KCNN1: variants seen among roughly 807,000 people sequenced by gnomAD.
The protein encoded by KCNN1 is small conductance calcium-activated potassium channel protein 1.
A neutral mutation model predicts 44.7 loss-of-function variants in KCNN1; 20 were observed. The observed-to-expected ratio is 0.45, with a 90% CI of 0.32 to 0.65. The LOEUF is 0.65. Ranked by LOEUF, KCNN1 falls within the 30% of genes least tolerant of loss-of-function variation. The pLI is 0.05. For missense variants in KCNN1, 632 were observed against 785.3 expected, an observed-to-expected ratio of 0.80 and a Z score of 2.33; for synonymous variants, 324 against 341.7, an observed-to-expected ratio of 0.95 and a Z score of 0.57.
At chr19:17,967,406 G>A in intron 1 of KCNN1, 89 bp downstream of exon 1, 1 of 706,964 alleles carries the variant, frequency 1.4e-6, no homozygotes, top group Non-Finnish European at 1.7e-6. Context: ...GGAGGGGGAC[G>A]CGGTTTGGGG....
chr19:17,958,864 A>AT (rs35084044), intron 2 of KCNN1, among the ~76,000 whole-genome samples: 12 of 146,566 alleles, frequency 8.2e-5, no homozygotes, highest in African/African-American at 1.3e-4. Context: ...CGCCTGGCTA[A>AT]TTTTTTTTTG....
chr19:17,968,067 G>C (rs1171247075), intron 1 of KCNN1, among the ~76,000 whole-genome samples: 1 of 148,400 alleles, frequency 6.7e-6, no homozygotes, highest in Non-Finnish European at 1.5e-5. Context: ...GTGATTATTG[G>C]GGGAGGGGAG....
At chr19:17,989,315 G>A (rs1030142681) in intron 6 of KCNN1, among the ~76,000 whole-genome samples, 4 of 152,098 alleles carry the variant, frequency 2.6e-5, no homozygotes, top group Admixed American at 2.6e-4. Flanking sequence ...AAAATTAGCT[G>A]AGCGTGATCG....
At chr19:17,978,871 G>A (rs2032299519) in intron 3 of KCNN1, among the ~76,000 whole-genome samples, 1 of 148,006 alleles carries the variant, frequency 6.8e-6, no homozygotes, top group East Asian at 2.1e-4. Context: ...CCTGGGCAAC[G>A]TGGCGAAACA....
chr19:17,990,473 C>A lies in KCNN1; in HGVS notation c.1298+630C>A, dbSNP rs1001262963. Among the ~76,000 whole-genome samples the A allele has an allele frequency of 4.1e-5, 6 of 146,946 alleles. 1 individual carries two copies. In the East Asian group the frequency reaches 5.9e-4, roughly 15 times the overall value. On this transcript the variant is annotated intron_variant, in intron 7 of 9. Coordinates refer to ENST00000684775, the MANE Select transcript of KCNN1 (RefSeq NM_001386974.1). ...CACTCAGCTGGGTTACAAAGTGAGA[C>A]CTTGTCTCAAAAAAAAAAAAAGAAA...
chr19:17,961,730 G>A (rs971948115), intron 2 of KCNN1, among the ~76,000 whole-genome samples: 2 of 151,904 alleles, frequency 1.3e-5, no homozygotes, highest in Non-Finnish European at 2.9e-5. Context: ...TTACAGGCGC[G>A]TGCTACCATG....
At position 18,000,005 on chromosome 19, in the gene KCNN1, T is replaced by C; in HGVS notation, c.*1599T>C. On this transcript the variant is annotated 3_prime_UTR_variant, in exon 10 of 10. Transcript: ENST00000684775. ...CTGTAAAATGGGGTGACAGTCTATT[T>C]AACCAGAACTCCCTAAAAAGGGCCA... 2.2e-6 allele frequency: 1 copy of C among 455,992 alleles called. No homozygotes were observed. Among genetic ancestry groups the C allele is most frequent in the South Asian group, 1.5e-5 (1 of 64,562 alleles). 28.2% of individuals were successfully genotyped at this position (455,992 alleles called of 1,614,324 possible).
rs748506852 is a variant in KCNN1, at chr19:17,988,457, A to AAGCTGGAGCTCACCAAGGCTG, written c.1105_1125dup (p.Leu369_Glu375dup). On this transcript the variant is annotated inframe_insertion, in exon 6 of 10. Coordinates refer to ENST00000684775, the MANE Select transcript of KCNN1 (RefSeq NM_001386974.1). Reference sequence around the variant, plus strand: ...GCTCGTGGTGGCTGTGGTGGCTCGGAAGCTGGAGCTCACCAAGGCTGAGAA... The same window carrying AAGCTGGAGCTCACCAAGGCTG: ...GCTCGTGGTGGCTGTGGTGGCTCGGAAGCTGGAGCTCACCAAGGCTGAGCTGGAGCTCACCAAGGCTGAGAA... 1 of 1,613,400 alleles carries AAGCTGGAGCTCACCAAGGCTG rather than the reference A, an allele frequency of 6.2e-7. No individual in the cohort carries two copies. Among genetic ancestry groups the AAGCTGGAGCTCACCAAGGCTG allele is most frequent in the Non-Finnish European group, 8.5e-7 (1 of 1,179,890 alleles).
chr19:17,988,683 G>C (rs957556974), intron 6 of KCNN1, among the ~76,000 whole-genome samples, 158 bp downstream of exon 6: 31 of 152,188 alleles, frequency 2.0e-4, no homozygotes, highest in African/African-American at 7.2e-4. Context: ...GGCCAAGGCA[G>C]GTGGATCACC....
chr19:17,962,843 A>G (rs2145906660), upstream of KCNN1, among the ~76,000 whole-genome samples: 1 of 149,012 alleles, frequency 6.7e-6, no homozygotes, highest in Middle Eastern at 3.6e-3. Flanking sequence ...AGTAGGTGGG[A>G]TTACAGCGCC....
rs572111638 is a variant in KCNN1 at position 17,983,609 on chromosome 19, G to A, written c.917+1482G>A. On this transcript the variant is annotated intron_variant, in intron 4 of 9. Transcript: ENST00000684775. This position sits in a 1 kb window ranked among gnomAD's most constrained non-coding sequence, Gnocchi z 4.5. Reference sequence around the variant, plus strand: ...AGGGCTCTGGGGGGGTGGGGCACGGGGCAGGGCCGGCAGGCAGCCAATCCT... The same window carrying A: ...AGGGCTCTGGGGGGGTGGGGCACGGAGCAGGGCCGGCAGGCAGCCAATCCT... Among the ~76,000 whole-genome samples, 27 of 152,218 alleles carry A rather than the reference G, an allele frequency of 1.8e-4. No homozygotes were observed. Among genetic ancestry groups the A allele is most frequent in the African/African-American group, 6.0e-4 (25 of 41,538 alleles).
intron 1 of KCNN1, among the ~76,000 whole-genome samples, chr19:17,969,997 G>A (rs1156937704): frequency 6.6e-6 from 1 of 152,252 alleles, no homozygotes; most frequent in African/African-American, 2.4e-5. Context: ...GGAAAGATCA[G>A]GGCCAAGGTC....
rs2032718420 is a variant in KCNN1, at chr19:17,989,603, C to T, written c.1171-113C>T. On this transcript the variant is annotated intron_variant, in intron 6 of 9. Coordinates refer to ENST00000684775, the MANE Select transcript of KCNN1 (RefSeq NM_001386974.1). ...ATGGCCCTGCCTTATAGCCCAGGGA[C>T]CCTGAGAGGCATTTCCAGAAGTTTC... is the stretch of plus-strand genomic sequence containing the variant. 3 of 1,481,492 alleles carry T rather than the reference C, an allele frequency of 2.0e-6. No homozygotes were observed. In the South Asian group the frequency reaches 3.5e-5, roughly 17 times the overall value. The allele number at this position is 1,481,492 out of a possible 1,614,324, so 91.8% of individuals were successfully genotyped here. A position where few individuals can be genotyped will look rare whatever the true frequency, so the allele number is the denominator to read the frequency against.
At position 17,998,159 on chromosome 19, in the gene KCNN1, C is replaced by T; in HGVS notation, c.1385C>T (p.Thr462Ile). 1.3e-6 allele frequency: 2 copies of T among 1,592,570 alleles called. No homozygotes were observed. Among genetic ancestry groups the T allele is most frequent in the Middle Eastern group, 1.7e-4 (1 of 6,000 alleles). The stretch of plus-strand genomic sequence containing the variant: ...CCTCTCTGTCTCCCGCAGACCCAGA[C>T]CGTCATGTACGACCTTGTATCGGAG... ...NTLTDLAKTQ[T>I]VMYDLVSELH... The change falls in exon 10 of 10, where the codon ACC becomes ATC. Residue 462 changes from threonine to isoleucine, a missense_variant. Physicochemically the swap from Thr to Ile is moderately conservative, Grantham distance 89 (BLOSUM62 -1). Transcript: ENST00000684775. The surrounding 1 kb of genome is among the most constrained non-coding windows in gnomAD (Gnocchi z 5.4).
chr19:17,992,487 G>A (rs1166368229), intron 7 of KCNN1, among the ~76,000 whole-genome samples: 2 of 152,182 alleles, frequency 1.3e-5, no homozygotes, highest in Admixed American at 6.5e-5. Context: ...TGTAATTCCA[G>A]CTACTCAGAA....
chr19:17,973,932 G>T lies in KCNN1; in HGVS notation c.44G>T (p.Gly15Val). The change falls in exon 2 of 10, where the codon GGC becomes GTC. Residue 15 changes from glycine to valine, a missense_variant. Around this residue, in one of 3 missense-constraint regions of KCNN1, gnomAD observed 235 missense variants for 224.0 expected, o/e 1.05. Transcript: ENST00000684775. ...AATGGCAGCGTGGGGCGGCCGCTGG[G>T]CAGCGGGCCGGGCGCCCTGGGACGA... The part of the protein sequence containing the change: ...SYNGSVGRPL[G>V]SGPGALGRDP... 1 of 1,555,862 alleles carries T rather than the reference G, an allele frequency of 6.4e-7. No homozygotes were observed.
At chr19:17,962,041 A>G (rs1219872739) in intron 2 of KCNN1, among the ~76,000 whole-genome samples, 1 of 152,032 alleles carries the variant, frequency 6.6e-6, no homozygotes, top group Non-Finnish European at 1.5e-5. Context: ...GTGGGGAGAG[A>G]GGGGTTCCCT....
upstream of KCNN1, among the ~76,000 whole-genome samples, chr19:17,965,423 G>C (rs1159196804): frequency 6.6e-6 from 1 of 152,120 alleles, no homozygotes; most frequent in African/African-American, 2.4e-5. Flanking sequence ...ATTGAATGTG[G>C]TTCAGGGATG....
Position 17,993,433 on chromosome 19 carries a change from A to C in KCNN1, c.1308-57A>C. 1 of 1,324,564 alleles carries C rather than the reference A, an allele frequency of 7.5e-7. No individual in the cohort carries two copies. The highest frequency in any genetic ancestry group is 1.1e-6 in the Non-Finnish European group (1 of 928,616). The allele number at this position is 1,324,564 out of a possible 1,614,324, so 82.1% of individuals were successfully genotyped here. A position where few individuals can be genotyped will look rare whatever the true frequency, so the allele number is the denominator to read the frequency against. On this transcript the variant is annotated intron_variant, in intron 8 of 9. Transcript: ENST00000684775. This position sits in a 1 kb window ranked among gnomAD's most constrained non-coding sequence, Gnocchi z 4.5. ...TGGGTGCATGAAAGTCCCTGCCCCC[A>C]CTGCAGCCTCCACGGGAACCTGCCT...
Sources: gnomAD v4.1 joint callset for allele counts (sites outside exome capture counted in the v4.1 genomes callset) on GRCh38, gnomAD v4.1.1 for gene constraint, gnomAD v4.1.1 regional missense constraint, Gnocchi (gnomAD v3.1) non-coding constraint, MANE v1.5 for transcripts, NCBI Gene and HGNC (gene_info 2026-07-23, HGNC 2026-07-21) for gene names.